The following AMD1 variants were observed in gnomAD, a reference collection of about 807,000 sequenced individuals.
The protein encoded by AMD1 is S-adenosylmethionine decarboxylase proenzyme.
AMD1 carries 11 observed loss-of-function variants against 40.2 expected under a neutral mutation model. The observed-to-expected ratio is 0.27, with a 90% CI of 0.17 to 0.45. The LOEUF is 0.45. Ranked by LOEUF, AMD1 falls within the 20% of genes least tolerant of loss-of-function variation. The pLI, the probability that AMD1 is intolerant of heterozygous loss-of-function variation, is 1.00. For missense variants in AMD1, 257 were observed against 410.2 expected, an observed-to-expected ratio of 0.63 and a Z score of 3.23; for synonymous variants, 121 against 130.8, an observed-to-expected ratio of 0.93 and a Z score of 0.51.
Position 110,892,846 on chromosome 6 carries a change from C to G in AMD1, c.708+19C>G. 5 of 1,613,438 alleles carry G rather than the reference C, an allele frequency of 3.1e-6. No homozygotes were observed. The highest frequency in any genetic ancestry group is 4.2e-6 in the Non-Finnish European group (5 of 1,179,622). ...ATCGGATGTGAGTAGTTATATATTG[C>G]TTCAATAATTATTTAAATGTGAATA... On this transcript the variant is annotated intron_variant, in intron 7 of 8. Coordinates refer to ENST00000368885, the MANE Select transcript of AMD1 (RefSeq NM_001634.6).
At chr6:110,851,174 C>T in the AMD1 span, among the ~76,000 whole-genome samples, 1 of 152,034 alleles carries the variant, frequency 6.6e-6, no homozygotes, top group South Asian at 2.1e-4. Context: ...GCATGTTGGC[C>T]AGGGTGGTCT....
At chr6:110,880,878 G>T (rs940586149) in intron 1 of AMD1, among the ~76,000 whole-genome samples, 1 of 152,060 alleles carries the variant, frequency 6.6e-6, no homozygotes. Context: ...CGCTATGTTG[G>T]TCAGGCTGGT....
intron 1 of AMD1, among the ~76,000 whole-genome samples, chr6:110,884,753 A>G (rs1785596049): frequency 6.6e-6 from 1 of 152,142 alleles, no homozygotes; most frequent in Non-Finnish European, 1.5e-5. Context: ...AAAGGAAAAG[A>G]CTGTTACACT....
At chr6:110,862,250 C>G in the AMD1 span, among the ~76,000 whole-genome samples, 1 of 150,948 alleles carries the variant, frequency 6.6e-6, no homozygotes, top group East Asian at 1.9e-4. Context: ...CTCAGCAATC[C>G]TAGCTTTAAT....
chr6:110,883,332 C>T (rs1358727684), intron 1 of AMD1, among the ~76,000 whole-genome samples: 1 of 151,946 alleles, frequency 6.6e-6, no homozygotes, highest in Non-Finnish European at 1.5e-5. Flanking sequence ...TTTTTTTCCC[C>T]TGTGGTATCT....
intron 1 of AMD1, among the ~76,000 whole-genome samples, chr6:110,877,604 C>T (rs535194620): frequency 6.6e-6 from 1 of 152,386 alleles, no homozygotes; most frequent in South Asian, 2.1e-4. Context: ...CATTTAATAG[C>T]TGTGTGAGCT....
the AMD1 span, among the ~76,000 whole-genome samples, chr6:110,853,338 C>T: frequency 4.0e-5 from 6 of 149,878 alleles, no homozygotes; most frequent in East Asian, 7.8e-4. Context: ...GACGGAATCT[C>T]GGTCTGTTGC....
the AMD1 span, among the ~76,000 whole-genome samples, chr6:110,817,294 C>G: frequency 4.6e-5 from 7 of 152,294 alleles, no homozygotes; most frequent in East Asian, 1.4e-3. Context: ...ATCACCCACT[C>G]CTGGAAAACT....
the AMD1 span, among the ~76,000 whole-genome samples, chr6:110,826,688 C>CTT: frequency 2.1e-3 from 282 of 131,370 alleles, 2 homozygotes; most frequent in African/African-American, 7.2e-3. Flanking sequence ...TCTTTTCTTT[C>CTT]TTTTTTTTTT....
the AMD1 span, among the ~76,000 whole-genome samples, chr6:110,831,009 A>G: frequency 1.1e-4 from 17 of 152,150 alleles, no homozygotes; most frequent in East Asian, 3.3e-3. Context: ...TTTCACAAGC[A>G]TGTGTCTGGG....
the AMD1 span, among the ~76,000 whole-genome samples, chr6:110,863,371 CTT>C: frequency 4.0e-4 from 51 of 127,688 alleles, no homozygotes; most frequent in Non-Finnish European, 4.7e-4. Flanking sequence ...ATTCTGCTTG[CTT>C]TTTTTTTTTT....
Position 110,893,737 on chromosome 6 carries a change from C to T in AMD1, c.*121C>T. The T allele has an allele frequency of 9.0e-7, 1 of 1,105,552 alleles. No homozygotes were observed. The highest frequency in any genetic ancestry group is 1.3e-6 in the Non-Finnish European group (1 of 786,188). The allele number at this position is 1,105,552 out of a possible 1,614,324, so 68.5% of individuals were successfully genotyped here. A position where few individuals can be genotyped will look rare whatever the true frequency, so the allele number is the denominator to read the frequency against. On this transcript the variant is annotated 3_prime_UTR_variant, in exon 9 of 9. Coordinates refer to ENST00000368885, the MANE Select transcript of AMD1 (RefSeq NM_001634.6). ...CCACCACTGTGTAGTTGCAGAAAGC[C>T]CTAGATGTAATGATAGTGTAATCAT...
Position 110,892,725 on chromosome 6 carries a change from C to CCG in AMD1, c.616-9_616-8insGC. The stretch of plus-strand genomic sequence containing the variant: ...AACCCTTGTTAAACTCGGTCTTTTT[C>CCG]CCCCCCCAGGAGAGTGGAATTCGTG... On this transcript the variant is annotated splice_polypyrimidine_tract_variant and intron_variant, in intron 6 of 8. Transcript: ENST00000368885. 6.9e-7 allele frequency: 1 copy of CCG among 1,454,992 alleles called. No homozygotes were observed. The allele number at this position is 1,454,992 out of a possible 1,614,324, so 90.1% of individuals were successfully genotyped here.
At chr6:110,859,088 G>A in the AMD1 span, 14 of 1,293,430 alleles carry the variant, frequency 1.1e-5, no homozygotes, top group African/African-American at 1.4e-5. Context: ...CCTCGGGCGC[G>A]CAGGCTCGGG....
chr6:110,881,718 G>C (rs1021152731), intron 1 of AMD1, among the ~76,000 whole-genome samples: 1 of 151,954 alleles, frequency 6.6e-6, no homozygotes, highest in Non-Finnish European at 1.5e-5. Context: ...CCAACTACTC[G>C]GGAGGCTGGG....
chr6:110,874,144 T>C (rs1174612576), upstream of AMD1, among the ~76,000 whole-genome samples: 1 of 152,186 alleles, frequency 6.6e-6, no homozygotes, highest in East Asian at 1.9e-4. Context: ...TCTTCTGAAA[T>C]AGGAAGACAA....
chr6:110,892,613 C>T, intron 6 of AMD1, 122 bp from the exon 7 acceptor site: 1 of 1,394,620 alleles, frequency 7.2e-7, no homozygotes, highest in Non-Finnish European at 1.0e-6. Flanking sequence ...AGGTGTTAAG[C>T]CTAGTACCCA....
chr6:110,875,430 G>T, intron 1 of AMD1: 1 of 520,744 alleles, frequency 1.9e-6, no homozygotes, highest in Non-Finnish European at 3.4e-6. Flanking sequence ...TGGTTGCCGC[G>T]CCTGGCATTG....
At chr6:110,833,962 ATTTT>A in the AMD1 span, among the ~76,000 whole-genome samples, 1 of 148,180 alleles carries the variant, frequency 6.7e-6, no homozygotes, top group Non-Finnish European at 1.5e-5. Context: ...AGGAAAAACA[ATTTT>A]TTTTTTTTAG....
Sources: allele counts gnomAD v4.1 joint callset (sites outside exome capture counted in the v4.1 genomes callset), GRCh38; gene constraint gnomAD v4.1.1; transcripts MANE v1.5; gene names NCBI Gene and HGNC (gene_info 2026-07-23, HGNC 2026-07-21).